Variants in CDHR2 observed in about 807,000 individuals in gnomAD.
The protein encoded by CDHR2 is cadherin related family member 2, also known as cadherin-related family member 2.
In CDHR2, 104 loss-of-function variants were observed where a neutral mutation model predicts 138.6. The observed-to-expected ratio is 0.75, with a 90% CI of 0.64 to 0.88. The LOEUF (loss-of-function observed/expected upper bound fraction) is 0.88, where lower values mean the gene tolerates loss of function less well. CDHR2 is among the 40% of genes least tolerant of loss of function. The probability of loss-of-function intolerance (pLI) is 0.00; values close to 1 mark genes in which losing one functional copy is unlikely to be tolerated. For missense variants in CDHR2, 1,624 were observed against 1,727.6 expected, an observed-to-expected ratio of 0.94 and a Z score of 1.06; for synonymous variants, 755 against 742.8, an observed-to-expected ratio of 1.02 and a Z score of -0.27.
chr5:176,591,519 G>T lies in CDHR2; in HGVS notation c.3734+35G>T, dbSNP rs1379235536. 3 of 1,511,834 alleles carry T rather than the reference G, an allele frequency of 2.0e-6. No homozygotes were observed. In the South Asian group the frequency reaches 3.4e-5, roughly 17 times the overall value. 93.7% of individuals were successfully genotyped at this position (1,511,834 alleles called of 1,614,324 possible). A position where few individuals can be genotyped will look rare whatever the true frequency, so the allele number is the denominator to read the frequency against. ...GCCCCTCACAGCCAGGCTAGGTGGT[G>T]GTGGTGGTACAGGTAGTGACGGTGG... On this transcript the variant is annotated intron_variant, in intron 30 of 31. Coordinates refer to ENST00000261944, the MANE Select transcript of CDHR2 (RefSeq NM_017675.6).
intron 1 of CDHR2, among the ~76,000 whole-genome samples, chr5:176,562,567 T>C (rs1757989682): frequency 1.3e-5 from 2 of 152,102 alleles, no homozygotes; most frequent in African/African-American, 2.4e-5. Flanking sequence ...TCAGATGCTC[T>C]GGGGCAGGAG....
chr5:176,583,070 A>C (rs540949903), intron 17 of CDHR2, among the ~76,000 whole-genome samples: 1 of 152,362 alleles, frequency 6.6e-6, no homozygotes, highest in Admixed American at 6.5e-5. Context: ...TCAGAAATGA[A>C]GAAAACGAAG....
In CDHR2 at chr5:176,595,824, A is replaced by G; in HGVS notation, c.*152A>G. 1.3e-6 allele frequency: 1 copy of G among 745,516 alleles called. No individual in the cohort carries two copies. The highest frequency in any genetic ancestry group is 1.8e-5 in the African/African-American group (1 of 55,230). 46.2% of individuals were successfully genotyped at this position (745,516 alleles called of 1,614,324 possible). ...GGGTTGGGGAAATATTTTATTACCA[A>G]TGTATACTGTGACAGTTTGTAGCCA... On this transcript the variant is annotated 3_prime_UTR_variant, in exon 32 of 32. Transcript: ENST00000261944.
chr5:176,568,492 C>G (rs1402642246), intron 3 of CDHR2, among the ~76,000 whole-genome samples, 186 bp from the exon 4 acceptor site: 1 of 152,230 alleles, frequency 6.6e-6, no homozygotes, highest in African/African-American at 2.4e-5. Flanking sequence ...CAGTGCCCAT[C>G]GAGTCAGTGG....
chr5:176,566,154 T>C (rs1284064632), intron 3 of CDHR2, among the ~76,000 whole-genome samples: 1 of 152,070 alleles, frequency 6.6e-6, no homozygotes, highest in South Asian at 2.1e-4. Context: ...CAGAAGCTAA[T>C]GACTCACTTT....
rs754060600 is a variant in CDHR2 at position 176,577,740 on chromosome 5, A to T, written c.1454A>T (p.Tyr485Phe). 6 of 1,614,202 alleles carry T rather than the reference A, an allele frequency of 3.7e-6. No individual in the cohort carries two copies. Among genetic ancestry groups the T allele is most frequent in the Non-Finnish European group, 5.1e-6 (6 of 1,180,032 alleles). The change falls in exon 14 of 32, where the codon TAC (tyrosine) becomes TTC (phenylalanine). Residue 485 changes from tyrosine to phenylalanine, a missense_variant. Tyr to Phe is a conservative substitution (Grantham distance 22). Coordinates refer to ENST00000261944, the MANE Select transcript of CDHR2 (RefSeq NM_017675.6). ...DHRPTFPQSL[Y>F]VLTVPEHSAT... ...AGGCCCACGTTTCCCCAGAGCTTGTACGTCCTCACGGTGCCAGAGCACAGC... is the reference window on the plus strand; with the variant it reads ...AGGCCCACGTTTCCCCAGAGCTTGTTCGTCCTCACGGTGCCAGAGCACAGC...
rs542889050 is a variant in CDHR2, at chr5:176,578,292, G to C, written c.1575-73G>C. On this transcript the variant is annotated intron_variant, in intron 15 of 31. Coordinates refer to ENST00000261944, the MANE Select transcript of CDHR2 (RefSeq NM_017675.6). ...CATGGGATATGCTGAAATATTTGTT[G>C]TTGTATATCTGAAATTCACACTGAA... is the stretch of plus-strand genomic sequence containing the variant. 1.1e-5 allele frequency: 16 copies of C among 1,427,424 alleles called. No homozygotes were observed. In the South Asian group the frequency reaches 1.8e-4, roughly 16 times the overall value. 88.4% of individuals were successfully genotyped at this position (1,427,424 alleles called of 1,614,324 possible).
rs144890718 is a variant in CDHR2, at chr5:176,551,542, G to A, written c.-16+2128G>A. On this transcript the variant is annotated intron_variant, in intron 1 of 31. Transcript: ENST00000261944. The stretch of plus-strand genomic sequence containing the variant: ...GTCTTGCTCTGTCGCCCAGGCTGGC[G>A]TGCAGTGGCGCGATCTCGGCTCACT... Among the ~76,000 whole-genome samples the A allele has an allele frequency of 4.1e-3, 630 of 152,140 alleles. 5 individuals are homozygous for A. The highest frequency in any genetic ancestry group is 0.015 in the African/African-American group (605 of 41,514).
chr5:176,588,792 G>C (rs565138941), intron 21 of CDHR2, among the ~76,000 whole-genome samples: 1 of 152,092 alleles, frequency 6.6e-6, no homozygotes, highest in Non-Finnish European at 1.5e-5. Flanking sequence ...ACATGTGAGG[G>C]ACTTAGGGCA....
chr5:176,549,210 C>A (rs761267972), upstream of CDHR2, among the ~76,000 whole-genome samples: 1 of 152,196 alleles, frequency 6.6e-6, no homozygotes, highest in South Asian at 2.1e-4. Flanking sequence ...TCCTCCTGTC[C>A]GGCGCCCCCA....
intron 16 of CDHR2, among the ~76,000 whole-genome samples, chr5:176,579,973 A>T (rs1758487559): frequency 6.6e-6 from 1 of 152,166 alleles, no homozygotes; most frequent in African/African-American, 2.4e-5. Flanking sequence ...TCAGGCAGGG[A>T]AGGTGTGGGA....
upstream of CDHR2, among the ~76,000 whole-genome samples, chr5:176,547,257 G>T (rs1180845087): frequency 1.3e-5 from 2 of 152,098 alleles, no homozygotes; most frequent in Admixed American, 1.3e-4. Context: ...GATTACAGGC[G>T]CGAGCCACCA....
upstream of CDHR2, among the ~76,000 whole-genome samples, chr5:176,548,388 A>C (rs1471364034): frequency 6.6e-6 from 1 of 152,158 alleles, no homozygotes; most frequent in East Asian, 1.9e-4. Flanking sequence ...CAAAGTGAGG[A>C]TAAGAAGGAC....
Position 176,586,787 on chromosome 5 carries a change from C to CT in CDHR2, c.2807-5dup. The CT allele has an allele frequency of 6.2e-7, 1 of 1,606,176 alleles. No individual in the cohort carries two copies. The highest frequency in any genetic ancestry group is 8.5e-7 in the Non-Finnish European group (1 of 1,176,232). On this transcript the variant is annotated splice_polypyrimidine_tract_variant and splice_region_variant and intron_variant, in intron 20 of 31. Transcript: ENST00000261944. ...CCGCTGACCCCGTTCCCGTTCACAC[C>CT]TGCAGTGATCATCCCTGAACTCGTG...
Position 176,584,414 on chromosome 5 carries a change from G to A in CDHR2, c.2133G>A (p.Val711=), listed in dbSNP as rs144720208. 258 of 1,597,688 alleles carry A rather than the reference G, an allele frequency of 1.6e-4. No individual in the cohort carries two copies. The African/African-American group carries it at 3.2e-3, about 20-fold the overall frequency. The change falls in exon 19 of 32, where the codon GTG becomes GTA. Residue 711 remains valine, a synonymous_variant. Transcript: ENST00000261944. ...NFTVKEEDPG[V]LVGVVKAWDA... ...AGCTCTGCCCCTTGTCCACAGGAGTGCTAGTGGGCGTGGTGAAGGCCTGGG... is the reference window on the plus strand; with the variant it reads ...AGCTCTGCCCCTTGTCCACAGGAGTACTAGTGGGCGTGGTGAAGGCCTGGG...
rs1301347410 is a variant in CDHR2 at position 176,560,988 on chromosome 5, AC to A, written c.-15-4349del. Among the ~76,000 whole-genome samples, 41 of 39,472 alleles carry A rather than the reference AC, an allele frequency of 1.0e-3. 1 individual carries two copies. In the East Asian group the frequency reaches 0.45, roughly 433 times the overall value. The allele number at this position is 39,472 out of a possible 152,430, so 25.9% of individuals were successfully genotyped here. A position where few individuals can be genotyped will look rare whatever the true frequency, so the allele number is the denominator to read the frequency against. On this transcript the variant is annotated intron_variant, in intron 1 of 31. Transcript: ENST00000261944. ...CAGGATCTCTGACTGTCTAGGGCAC[AC>A]TGGGGGAGGAGGGCCTGCAGCTAGC...
rs1757488997 is a variant in CDHR2, at chr5:176,543,012, A to G, written c.-16+243A>G. Among the ~76,000 whole-genome samples the G allele has an allele frequency of 6.6e-6, 1 of 151,598 alleles. No homozygotes were observed. Among genetic ancestry groups the G allele is most frequent in the Non-Finnish European group, 1.5e-5 (1 of 67,804 alleles). On this transcript the variant is annotated intron_variant, in intron 1 of 31. Coordinates refer to the CDHR2 transcript ENST00000510636. The surrounding 1 kb of genome is among the most constrained non-coding windows in gnomAD (Gnocchi z 4.0). ...TCGGGACGTGCGCGGGGCGCAGGGCACGCGGGGGCTCGGAGTTCCCCGGGG... is the reference window on the plus strand; with the variant it reads ...TCGGGACGTGCGCGGGGCGCAGGGCGCGCGGGGGCTCGGAGTTCCCCGGGG...
At chr5:176,547,979 G>A (rs899970910), upstream of CDHR2, among the ~76,000 whole-genome samples, 1 of 152,162 alleles carries the variant, frequency 6.6e-6, no homozygotes. Context: ...TTTCGTCATT[G>A]TGTGAACATC....
intron 3 of CDHR2, among the ~76,000 whole-genome samples, chr5:176,567,731 G>A (rs1314745720): frequency 6.6e-6 from 1 of 150,828 alleles, no homozygotes; most frequent in Non-Finnish European, 1.5e-5. Flanking sequence ...GATCTCAAGT[G>A]ATCCGCCCAC....
Sources: allele counts gnomAD v4.1 joint callset (sites outside exome capture counted in the v4.1 genomes callset), GRCh38; gene constraint gnomAD v4.1.1; non-coding constraint Gnocchi (gnomAD v3.1); transcripts MANE v1.5; gene names NCBI Gene and HGNC (gene_info 2026-07-23, HGNC 2026-07-21).